SLC39A4: variants seen among roughly 807,000 people sequenced by gnomAD.
The protein encoded by SLC39A4 is solute carrier family 39 member 4.
In SLC39A4, 49 loss-of-function variants were observed where a neutral mutation model predicts 56.6. The ratio of observed to expected loss-of-function variants is 0.87; its 90% CI spans 0.69 to 1.10. The LOEUF is 1.10. Ranked by LOEUF, SLC39A4 falls within the 50% of genes least tolerant of loss-of-function variation. The pLI is 0.00. For missense variants in SLC39A4, 993 were observed against 864.2 expected (o/e 1.15, Z -1.87); for synonymous variants, 540 against 420.4 (o/e 1.28, Z -3.48).
At chr8:144,414,165 G>A in intron 6 of SLC39A4, 70 bp from the exon 7 acceptor site, 2 of 1,565,378 alleles carry the variant, frequency 1.3e-6, no homozygotes, top group Non-Finnish European at 1.7e-6. Context: ...AGGGAGAGGG[G>A]TCAGGAGGTG....
At position 144,412,951 on chromosome 8, in the gene SLC39A4, G is replaced by T; in HGVS notation, c.1628-5C>A. Reference sequence around the variant, plus strand: ...GCAGCAAGGCGGCGAAGTCCCCTGCGGGCGAGTCCACATTAACAGCTCCGC... The same window carrying T: ...GCAGCAAGGCGGCGAAGTCCCCTGCTGGCGAGTCCACATTAACAGCTCCGC... On this transcript the variant is annotated splice_polypyrimidine_tract_variant and splice_region_variant and intron_variant, in intron 10 of 11. Coordinates refer to ENST00000301305, the MANE Select transcript of SLC39A4 (RefSeq NM_130849.4). 6.3e-7 allele frequency: 1 copy of T among 1,592,468 alleles called. No homozygotes were observed. Among genetic ancestry groups the T allele is most frequent in the Non-Finnish European group, 8.5e-7 (1 of 1,174,964 alleles).
chr8:144,413,460 T>A (rs1457053834), intron 9 of SLC39A4, 53 bp downstream of exon 9: 3 of 1,572,222 alleles, frequency 1.9e-6, no homozygotes, highest in Non-Finnish European at 2.6e-6. Context: ...CCACCCGCGC[T>A]CCACACAAAC....
chr8:144,416,584 G>T lies in SLC39A4; in HGVS notation c.192+14C>A. 2 of 1,566,930 alleles carry T rather than the reference G, an allele frequency of 1.3e-6. No individual in the cohort carries two copies. Among genetic ancestry groups the T allele is most frequent in the Non-Finnish European group, 8.6e-7 (1 of 1,157,308 alleles). On this transcript the variant is annotated intron_variant, in intron 1 of 11. Transcript: ENST00000301305. ...GAGGCCAGGGCTGGGGGACCCGTCG[G>T]GTGGGGCTGTTACCTTTCCACACGG...
In SLC39A4 at chr8:144,415,373, C is replaced by T. The variant is rs781876826; in HGVS notation, c.521G>A (p.Gly174Glu). Residue 174 changes from glycine to glutamate, a missense_variant, in exon 3 of 12, where the codon GGG becomes GAG. By Grantham distance (98) the Gly-to-Glu change is moderately conservative (BLOSUM62 -2). Transcript: ENST00000301305. ...GACGCCGCCAGCACTGCCCGGAGCC[C>T]CCGCCCCCACCGCCTCCTCCAGCAG... ...PQLLEEAVGA[G>E]APGSAGGVLA... is the part of the protein sequence containing the mutation. 11 of 1,608,866 alleles carry T rather than the reference C, an allele frequency of 6.8e-6. No homozygotes were observed. Among genetic ancestry groups the T allele is most frequent in the South Asian group, 4.4e-5 (4 of 90,606 alleles).
At chr8:144,413,909 C>A in intron 7 of SLC39A4, 28 bp from the exon 8 acceptor site, 1 of 1,609,754 alleles carries the variant, frequency 6.2e-7, no homozygotes, top group Non-Finnish European at 8.5e-7. Context: ...CAGTGTCCAC[C>A]AGGCCCCCAG....
Position 144,414,834 on chromosome 8 carries a change from G to C in SLC39A4, c.867C>G (p.Thr289=). ...GGCTCAGTTGGGCCCAGGCCTCCGG[G>C]GTCACCCCAGCCTGTTCCGACAGTC... The part of the protein sequence containing the change: ...AYGLSEQAGV[T]PEAWAQLSPA... The change falls in exon 5 of 12, where the codon ACC becomes ACG. Residue 289 remains threonine, a synonymous_variant. Coordinates refer to ENST00000301305, the MANE Select transcript of SLC39A4 (RefSeq NM_130849.4). 6.2e-7 allele frequency: 1 copy of C among 1,613,210 alleles called. No individual in the cohort carries two copies. The highest frequency in any genetic ancestry group is 8.5e-7 in the Non-Finnish European group (1 of 1,179,982).
rs782478628 is a variant in SLC39A4 at position 144,415,038 on chromosome 8, C to T, written c.740G>A (p.Gly247Glu). The T allele has an allele frequency of 1.2e-6, 2 of 1,611,280 alleles. No homozygotes were observed. The highest frequency in any genetic ancestry group is 2.2e-5 in the South Asian group (2 of 91,088). The change falls in exon 4 of 12, where the codon GGA (glycine) becomes GAA (glutamate). Residue 247 changes from glycine (G) to glutamate (E), a missense_variant. Coordinates refer to ENST00000301305, the MANE Select transcript of SLC39A4 (RefSeq NM_130849.4). ...AHSDHSHRHR[G>E]ASSRDPVPLI... ...GGGCACAGGGTCCCGGCTGCTGGCTCCCCTGTGCCGATGACTGTGGTCACT... is the reference window on the plus strand; with the variant it reads ...GGGCACAGGGTCCCGGCTGCTGGCTTCCCTGTGCCGATGACTGTGGTCACT...
chr8:144,414,751 A>G lies in SLC39A4; in HGVS notation c.950T>C (p.Val317Ala), dbSNP rs782035807. ...CTCTGACTGGCTGAGCTGGTCCTGG[A>G]CGGGGGGCCTGGACTGGGAGGTGCA... ...GACTSQSRPPVQDQLSQSERY... is the reference protein window; with the variant it reads ...GACTSQSRPPAQDQLSQSERY... Residue 317 changes from valine to alanine, a missense_variant, in exon 5 of 12, where the codon GTC (valine) becomes GCC (alanine). Physicochemically the swap from Val to Ala is moderately conservative, Grantham distance 64 (BLOSUM62 0). Transcript: ENST00000301305. The G allele has an allele frequency of 1.2e-6, 2 of 1,612,958 alleles. No homozygotes were observed. Among genetic ancestry groups the G allele is most frequent in the South Asian group, 2.2e-5 (2 of 91,066 alleles).
At chr8:144,413,455 C>T (rs1821992646) in intron 9 of SLC39A4, 58 bp downstream of exon 9, 1 of 1,575,570 alleles carries the variant, frequency 6.3e-7, no homozygotes, top group South Asian at 1.2e-5. Context: ...GGGCCCCACC[C>T]GCGCTCCACA....
rs554379194 is a variant in SLC39A4 at position 144,414,852 on chromosome 8, C to G, written c.849G>C (p.Ser283=). ...CCTCCGGGGTCACCCCAGCCTGTTC[C>G]GACAGTCCATATGCAGCCATCACGT... ...ARDVMAAYGL[S]EQAGVTPEAW... Residue 283 remains serine (S), a synonymous_variant, in exon 5 of 12, where the codon TCG becomes TCC. Transcript: ENST00000301305. 4.3e-6 allele frequency: 7 copies of G among 1,613,338 alleles called. No individual in the cohort carries two copies. The highest frequency in any genetic ancestry group is 5.1e-6 in the Non-Finnish European group (6 of 1,179,942).
Position 144,416,725 on chromosome 8 carries a change from G to A in SLC39A4, c.65C>T (p.Ala22Val), listed in dbSNP as rs782463845. 2.2e-5 allele frequency: 36 copies of A among 1,612,370 alleles called. No homozygotes were observed. Among genetic ancestry groups the A allele is most frequent in the African/African-American group, 8.0e-5 (6 of 74,934 alleles). ...GCTCAGCAGACCAGCAGGCGGGGAC[G>A]CCGTCGCCGTCACCACCAGCACAGC... Reference protein sequence around the residue: ...LLAVLVVTATASPPAGLLSLL... With the variant: ...LLAVLVVTATVSPPAGLLSLL... Residue 22 changes from alanine to valine, a missense_variant, in exon 1 of 12, where the codon GCG becomes GTG. Ala to Val is a moderately conservative substitution (Grantham distance 64, BLOSUM62 0). Transcript: ENST00000301305.
chr8:144,415,878 G>C lies in SLC39A4; in HGVS notation c.406C>G (p.Leu136Val). The change falls in exon 2 of 12, where the codon CTG becomes GTG. Residue 136 changes from leucine to valine, a missense_variant. Leu to Val is a conservative substitution (Grantham distance 32, BLOSUM62 1). Coordinates refer to ENST00000301305, the MANE Select transcript of SLC39A4 (RefSeq NM_130849.4). Reference protein sequence around the residue: ...LLALLESPKALTPGLSWLLQR... With the variant: ...LLALLESPKAVTPGLSWLLQR... ...AGCAGCCAGCTCAGGCCCGGGGTCA[G>C]GGCCTTGGGGCTCTCGAGCAGGGCC... The C allele has an allele frequency of 1.3e-6, 2 of 1,596,670 alleles. No homozygotes were observed. The highest frequency in any genetic ancestry group is 1.7e-6 in the Non-Finnish European group (2 of 1,174,718).
At chr8:144,415,669 T>A (rs1404397520) in intron 2 of SLC39A4, 141 bp downstream of exon 2, 1 of 1,310,592 alleles carries the variant, frequency 7.6e-7, no homozygotes, top group Non-Finnish European at 1.0e-6. Context: ...AGCCCCACGT[T>A]GTGAATCCCC....
rs1554872268 is a variant in SLC39A4 at position 144,413,302 on chromosome 8, G to A, written c.1562C>T (p.Ser521Phe). Residue 521 changes from serine (S) to phenylalanine (F), a missense_variant, in exon 10 of 12, where the codon TCC (serine) becomes TTC (phenylalanine). Physicochemically the swap from Ser to Phe is radical, Grantham distance 155. Coordinates refer to ENST00000301305, the MANE Select transcript of SLC39A4 (RefSeq NM_130849.4). ...DGLAVGAAFA[S>F]SWKTGLATSL... ...GGTGGCCAGCCCGGTCTTCCAGGAG[G>A]ACGCGAAGGCGGCGCCCACGGCCAG... 1.2e-6 allele frequency: 2 copies of A among 1,602,832 alleles called. No individual in the cohort carries two copies. Among genetic ancestry groups the A allele is most frequent in the African/African-American group, 1.3e-5 (1 of 74,900 alleles).
rs534607851 is a variant in SLC39A4 at position 144,412,595 on chromosome 8, C to T, written c.1887G>A (p.Leu629=). Residue 629 remains leucine (L), a synonymous_variant, in exon 12 of 12, where the codon CTG becomes CTA. Transcript: ENST00000301305. ...GCAGCAGCAGGACGGTCCAGCCGCC[C>T]AGCAGGCCCACGTTGTGCAGCAGGA... is the stretch of plus-strand genomic sequence containing the variant. The part of the protein sequence containing the change: ...LLFLLHNVGL[L]GGWTVLLLLS... The T allele has an allele frequency of 1.2e-6, 2 of 1,614,174 alleles. No homozygotes were observed. The highest frequency in any genetic ancestry group is 2.7e-5 in the African/African-American group (2 of 75,052).
In SLC39A4 at chr8:144,416,607, C is replaced by A; in HGVS notation, c.183G>T (p.Pro61=). The change falls in exon 1 of 12, where the codon CCG becomes CCT. Residue 61 remains proline (P), a synonymous_variant. Transcript: ENST00000301305. ...LADRVHCANG[P]CGKCLSVEDA... The stretch of plus-strand genomic sequence containing the variant: ...CGGGTGGGGCTGTTACCTTTCCACA[C>A]GGCCCGTTGGCGCAGTGCACACGGT... 1 of 1,587,006 alleles carries A rather than the reference C, an allele frequency of 6.3e-7. No homozygotes were observed. Among genetic ancestry groups the A allele is most frequent in the East Asian group, 2.3e-5 (1 of 43,714 alleles).
chr8:144,414,308 G>T lies in SLC39A4; in HGVS notation c.1103C>A (p.Ala368Glu). The T allele has an allele frequency of 6.2e-7, 1 of 1,606,124 alleles. No homozygotes were observed. The highest frequency in any genetic ancestry group is 8.5e-7 in the Non-Finnish European group (1 of 1,177,616). The change falls in exon 6 of 12, where the codon GCA becomes GAA. Residue 368 changes from alanine to glutamate, a missense_variant. Physicochemically the swap from Ala to Glu is moderately radical, Grantham distance 107. Transcript: ENST00000301305. ...AGCGTCCCCAGTGACTGCACCCACTGCCAGGCTCAGGAAGGTCTGCAGGAT... is the reference window on the plus strand; with the variant it reads ...AGCGTCCCCAGTGACTGCACCCACTTCCAGGCTCAGGAAGGTCTGCAGGAT... ...HYILQTFLSL[A>E]VGAVTGDAVL...
chr8:144,415,936 A>C lies in SLC39A4; in HGVS notation c.348T>G (p.Ala116=), dbSNP rs782429953. The C allele has an allele frequency of 1.7e-5, 27 of 1,595,862 alleles. No homozygotes were observed. In the South Asian group the frequency reaches 3.0e-4, roughly 18 times the overall value. The change falls in exon 2 of 12, where the codon GCT becomes GCG. Residue 116 remains alanine (A), a synonymous_variant. Coordinates refer to ENST00000301305, the MANE Select transcript of SLC39A4 (RefSeq NM_130849.4). The part of the protein sequence containing the change: ...NPEGTCEDAR[A]GLWASHADHL... ...GGTCTGCATGAGAGGCCCAGAGGCC[A>C]GCCCGAGCGTCCTCACAGGTGCCCT...
At chr8:144,414,700 G>A in intron 5 of SLC39A4, 25 bp downstream of exon 5, 2 of 1,611,208 alleles carry the variant, frequency 1.2e-6, no homozygotes, top group Admixed American at 1.7e-5. Flanking sequence ...TGTGCTGCCA[G>A]CACAATGTCG....
Sources: allele counts gnomAD v4.1 joint callset, GRCh38; gene constraint gnomAD v4.1.1; transcripts MANE v1.5; gene names NCBI Gene and HGNC (gene_info 2026-07-23, HGNC 2026-07-21).